Variants in HTT observed in about 807,000 individuals in gnomAD.
HTT encodes huntington disease protein.
A neutral mutation model predicts 362.3 loss-of-function variants in HTT; 104 were observed. That is an observed-to-expected ratio of 0.29 (90% CI 0.24 to 0.34). The LOEUF (loss-of-function observed/expected upper bound fraction) is 0.34. Among genes scored for constraint, HTT ranks in the 10% least tolerant of loss-of-function variants. The pLI, the probability that HTT is intolerant of heterozygous loss-of-function variation, is 1.00. For synonymous variants in HTT, 1,577 were observed against 1,548.7 expected, an observed-to-expected ratio of 1.02 and a Z score of -0.43; for missense variants, 3,301 against 3,928.6, an observed-to-expected ratio of 0.84 and a Z score of 4.27.
At chr4:3,215,380 C>T (rs1298896194) in intron 51 of HTT, among the ~76,000 whole-genome samples, 169 bp downstream of exon 51, 2 of 152,152 alleles carry the variant, frequency 1.3e-5, no homozygotes, top group East Asian at 3.9e-4. Flanking sequence ...CATTGCTTTG[C>T]CAGCTCTTTT....
intron 15 of HTT, 32 bp from the exon 16 acceptor site, chr4:3,131,606 G>A (rs1269397981): frequency 6.2e-7 from 1 of 1,608,214 alleles, no homozygotes; most frequent in Admixed American, 1.7e-5. Context: ...TGTTGTTTGA[G>A]GCTGAAGGTG....
At chr4:3,149,242 A>G (rs1311318642) in intron 26 of HTT, among the ~76,000 whole-genome samples, 1 of 152,166 alleles carries the variant, frequency 6.6e-6, no homozygotes, top group Non-Finnish European at 1.5e-5. Flanking sequence ...ATCAACTTCA[A>G]AACAAATGTT....
chr4:3,145,123 G>C (rs372453677), intron 23 of HTT, 29 bp from the exon 24 acceptor site: 1 of 1,511,644 alleles, frequency 6.6e-7, no homozygotes, highest in African/African-American at 1.4e-5. Context: ...TGGTGTTTGG[G>C]TGTGATTTTA....
rs143701263 is a variant in HTT at position 3,172,346 on chromosome 4, G to T, written c.3891G>T (p.Leu1297=). Residue 1297 remains leucine, a synonymous_variant, in exon 30 of 67, where the codon CTG becomes CTT. Coordinates refer to ENST00000355072, the MANE Select transcript of HTT (RefSeq NM_001388492.1). ...GTGTTGAAGAGATCCTAGGATACCT[G>T]AAATCCTGCTTTAGTCGAGAACCAA... The part of the protein sequence containing the change: ...GKCVEEILGY[L]KSCFSREPMM... The T allele has an allele frequency of 3.1e-5, 50 of 1,610,364 alleles. 2 individuals carry two copies. In the East Asian group the frequency reaches 1.1e-3, roughly 35 times the overall value.
At chr4:3,115,487 C>CT (rs1343497027) in intron 7 of HTT, 42 bp downstream of exon 7, 3 of 1,495,384 alleles carry the variant, frequency 2.0e-6, no homozygotes, top group Non-Finnish European at 2.8e-6. Context: ...CCAGCATGTA[C>CT]TCAAGATAGA....
At chr4:3,095,357 T>G (rs61460614) in intron 2 of HTT, among the ~76,000 whole-genome samples, 11,623 of 152,244 alleles carry the variant, frequency 0.076, 554 homozygotes, top group African/African-American at 0.14. Flanking sequence ...AAACCCCGTC[T>G]CCACCAAAAA....
At chr4:3,089,839 T>G (rs1190781741) in intron 2 of HTT, among the ~76,000 whole-genome samples, 1 of 152,248 alleles carries the variant, frequency 6.6e-6, no homozygotes, top group Non-Finnish European at 1.5e-5. Flanking sequence ...CCATATTAAA[T>G]CAAAATAATA....
chr4:3,169,574 G>A (rs1318041417), intron 29 of HTT, among the ~76,000 whole-genome samples: 7 of 151,328 alleles, frequency 4.6e-5, no homozygotes, highest in South Asian at 2.1e-4. Flanking sequence ...CCTGTCCAGC[G>A]TATTTTTTTT....
chr4:3,149,032 A>G (rs964183755), intron 26 of HTT, among the ~76,000 whole-genome samples: 1 of 152,246 alleles, frequency 6.6e-6, no homozygotes, highest in African/African-American at 2.4e-5. Flanking sequence ...TAAGAGGGAA[A>G]TACCTAGCTT....
In HTT at chr4:3,207,310, A is replaced by T; in HGVS notation, c.6105A>T (p.Glu2035Asp). 6.2e-7 allele frequency: 1 copy of T among 1,613,940 alleles called. No homozygotes were observed. Among genetic ancestry groups the T allele is most frequent in the Non-Finnish European group, 8.5e-7 (1 of 1,179,944 alleles). The part of the protein sequence containing the change: ...QSSMAQLPME[E>D]LNRIQEYLQS... ...GCATGGCCCAGTTGCCAATGGAAGA[A>T]CTCAACAGAATCCAGGAATACCTTC... The change falls in exon 45 of 67, where the codon GAA (glutamate) becomes GAT (aspartate). Residue 2035 changes from glutamate (E) to aspartate (D), a missense_variant. Physicochemically the swap from Glu to Asp is conservative, Grantham distance 45. This residue lies in a region of HTT where 2,316 missense variants were observed against 2,658.5 expected (regional missense o/e 0.87). Transcript: ENST00000355072.
chr4:3,096,140 A>C (rs149816460), intron 2 of HTT, among the ~76,000 whole-genome samples: 91 of 152,390 alleles, frequency 6.0e-4, no homozygotes, highest in African/African-American at 2.2e-3. Flanking sequence ...TGAGATGGTC[A>C]TTTCATAATG....
chr4:3,143,436 CAAAAAAAA>C (rs1056047426), intron 23 of HTT, among the ~76,000 whole-genome samples: 5 of 70,228 alleles, frequency 7.1e-5, no homozygotes, highest in South Asian at 6.0e-4. Flanking sequence ...GACTCTGTCT[CAAAAAAAA>C]AAAAAAAAAA....
rs1223333162 is a variant in HTT at position 3,239,938 on chromosome 4, T to C, written c.9308T>C (p.Ile3103Thr). 2 of 1,584,078 alleles carry C rather than the reference T, an allele frequency of 1.3e-6. No individual in the cohort carries two copies. Among genetic ancestry groups the C allele is most frequent in the Non-Finnish European group, 1.7e-6 (2 of 1,164,062 alleles). The change falls in exon 67 of 67, where the codon ATA (isoleucine) becomes ACA (threonine). Residue 3103 changes from isoleucine (I) to threonine (T), a missense_variant. Physicochemically the swap from Ile to Thr is moderately conservative, Grantham distance 89. This residue lies in a region of HTT where 753 missense variants were observed against 1,021.3 expected (regional missense o/e 0.74). Coordinates refer to ENST00000355072, the MANE Select transcript of HTT (RefSeq NM_001388492.1). ...GCCACAGACTTCTACAGACACCAGATAGAGGAGGAGCTCGACCGCAGGGCC... is the reference window on the plus strand; with the variant it reads ...GCCACAGACTTCTACAGACACCAGACAGAGGAGGAGCTCGACCGCAGGGCC... ...LVATDFYRHQIEEELDRRAFQ... is the reference protein window; with the variant it reads ...LVATDFYRHQTEEELDRRAFQ...
At chr4:3,123,762 C>G (rs1347735942) in intron 10 of HTT, among the ~76,000 whole-genome samples, 1 of 152,132 alleles carries the variant, frequency 6.6e-6, no homozygotes, top group Non-Finnish European at 1.5e-5. Context: ...CCATATTTAA[C>G]TTTGTACATA....
chr4:3,233,719 C>G (rs1260033133), intron 61 of HTT, among the ~76,000 whole-genome samples: 19 of 152,226 alleles, frequency 1.2e-4, no homozygotes, highest in Admixed American at 1.2e-3. Flanking sequence ...CCGCCCTGGC[C>G]CAGTACCTCC....
rs781301695 is a variant in HTT, at chr4:3,154,436, G to A, written c.3625+17G>A. ...CCAGTGCAGGTAGGAAACAGCGTGG[G>A]GAAGGGAGGGACATGAGTGCAGCAT... On this transcript the variant is annotated intron_variant, in intron 27 of 66. Transcript: ENST00000355072. The A allele has an allele frequency of 2.5e-6, 4 of 1,612,200 alleles. No individual in the cohort carries two copies. Among genetic ancestry groups the A allele is most frequent in the Admixed American group, 3.4e-5 (2 of 59,638 alleles).
chr4:3,183,724 A>G (rs1431659064), intron 37 of HTT, among the ~76,000 whole-genome samples: 3 of 152,190 alleles, frequency 2.0e-5, no homozygotes, highest in African/African-American at 7.2e-5. Context: ...TGGAAGCTTT[A>G]TCCCATTCTT....
At chr4:3,116,914 A>T (rs1715060056) in intron 8 of HTT, among the ~76,000 whole-genome samples, 1 of 152,188 alleles carries the variant, frequency 6.6e-6, no homozygotes, top group Non-Finnish European at 1.5e-5. Flanking sequence ...TTAAAATGTT[A>T]TGTCAGGGTT....
Position 3,178,338 on chromosome 4 carries a change from G to T in HTT, c.4504G>T (p.Val1502Leu), listed in dbSNP as rs1234194952. The T allele has an allele frequency of 1.9e-6, 3 of 1,610,872 alleles. No individual in the cohort carries two copies. The highest frequency in any genetic ancestry group is 1.7e-5 in the Admixed American group (1 of 59,950). Residue 1502 changes from valine to leucine, a missense_variant, in exon 35 of 67, where the codon GTA becomes TTA. Around this residue, in one of 4 missense-constraint regions of HTT, gnomAD observed 2,316 missense variants for 2,658.5 expected, o/e 0.87. Coordinates refer to ENST00000355072, the MANE Select transcript of HTT (RefSeq NM_001388492.1). ...AIIPNIFFFL[V>L]LLSYERYHSK... ...CATTCCAAACATCTTTTTCTTCTTG[G>T]TATTACTATCTTATGAACGCTATCA... is the stretch of plus-strand genomic sequence containing the variant.
Sources: allele counts gnomAD v4.1 joint callset (sites outside exome capture counted in the v4.1 genomes callset), GRCh38; gene constraint gnomAD v4.1.1; regional missense constraint gnomAD v4.1.1; transcripts MANE v1.5; gene names NCBI Gene and HGNC (gene_info 2026-07-23, HGNC 2026-07-21).